Variants in CADPS2 observed in about 807,000 individuals in gnomAD.
CADPS2 encodes calcium-dependent secretion activator 2.
CADPS2 carries 93 observed loss-of-function variants against 172.5 expected under a neutral mutation model. The observed-to-expected ratio is 0.54, with a 90% CI of 0.46 to 0.64. CADPS2 has a LOEUF of 0.64. CADPS2 is among the 30% of genes least tolerant of loss of function. The pLI is 0.00. For missense variants in CADPS2, 1,420 were observed against 1,565.9 expected (o/e 0.91, Z 1.57); for synonymous variants, 546 against 555.2 (o/e 0.98, Z 0.23).
chr7:122,672,448 T>C (rs1453769493), intron 2 of CADPS2, among the ~76,000 whole-genome samples: 1 of 152,198 alleles, frequency 6.6e-6, no homozygotes, highest in Admixed American at 6.5e-5. Flanking sequence ...AAGTAGCAGA[T>C]ATCCTGTCTC....
At chr7:122,343,111 C>T (rs556006216) in intron 28 of CADPS2, among the ~76,000 whole-genome samples, 11 of 152,190 alleles carry the variant, frequency 7.2e-5, no homozygotes, top group African/African-American at 2.2e-4. Context: ...TGATTAGGGG[C>T]TTTTAGTATC....
rs117841543 is a variant in CADPS2, at chr7:122,615,023, A to C, written c.1223+158T>G. Among the ~76,000 whole-genome samples, 456 of 152,328 alleles carry C rather than the reference A, an allele frequency of 3.0e-3. 2 individuals are homozygous for C. The highest frequency in any genetic ancestry group is 5.3e-3 in the Non-Finnish European group (360 of 68,030). On this transcript the variant is annotated intron_variant, in intron 6 of 29. Coordinates refer to ENST00000449022, the MANE Select transcript of CADPS2 (RefSeq NM_017954.11). ...TCCAATTATAACATCATTATCTAGA[A>C]AGGGACACACTAGTTCTAACACATT...
chr7:122,539,535 C>T (rs1230523771), intron 8 of CADPS2, among the ~76,000 whole-genome samples: 2 of 151,966 alleles, frequency 1.3e-5, no homozygotes, highest in Non-Finnish European at 2.9e-5. Context: ...AAAAGAGGGG[C>T]TGGTGATGGT....
chr7:122,681,795 A>T, intron 2 of CADPS2: 1 of 494,284 alleles, frequency 2.0e-6, no homozygotes, highest in Non-Finnish European at 3.4e-6. Context: ...AAAAATAAAA[A>T]TAAAACCCTT....
At chr7:122,562,378 T>A (rs970401105) in intron 7 of CADPS2, among the ~76,000 whole-genome samples, 2 of 152,110 alleles carry the variant, frequency 1.3e-5, no homozygotes, top group African/African-American at 2.4e-5. Context: ...ACTAGCTTCA[T>A]AATTGAAGAG....
At chr7:122,350,156 A>C (rs2038324774) in intron 27 of CADPS2, among the ~76,000 whole-genome samples, 1 of 152,196 alleles carries the variant, frequency 6.6e-6, no homozygotes, top group Non-Finnish European at 1.5e-5. Context: ...TTTGTAAATG[A>C]AATACCTGTG....
Position 122,516,047 on chromosome 7 carries a change from G to A in CADPS2, c.1476-2732C>T, listed in dbSNP as rs148279015. ...GTTTCTTTGAAGACAGAAAGCAGGG[G>A]GACAGATGGATACATACATGTTGTA... On this transcript the variant is annotated intron_variant, in intron 8 of 29. Transcript: ENST00000449022. 5.7e-3 allele frequency among the ~76,000 whole-genome samples: 874 copies of A among 152,136 alleles called. 6 individuals carry two copies. Among genetic ancestry groups the A allele is most frequent in the Non-Finnish European group, 9.5e-3 (643 of 67,986 alleles).
intron 7 of CADPS2, among the ~76,000 whole-genome samples, chr7:122,556,315 T>G (rs998669937): frequency 1.3e-5 from 2 of 152,162 alleles, no homozygotes; most frequent in Admixed American, 1.3e-4. Flanking sequence ...AAGACTAAGA[T>G]AGATCTCTAT....
At chr7:122,807,551 T>G (rs1319664296) in intron 1 of CADPS2, among the ~76,000 whole-genome samples, 2 of 152,210 alleles carry the variant, frequency 1.3e-5, no homozygotes, top group Non-Finnish European at 2.9e-5. Flanking sequence ...CTTCCAAGTT[T>G]GTTCCTTTTG....
intron 2 of CADPS2, among the ~76,000 whole-genome samples, chr7:122,721,314 G>C (rs1486779104): frequency 6.6e-6 from 1 of 151,986 alleles, no homozygotes; most frequent in Non-Finnish European, 1.5e-5. Context: ...AAGAAGAAAA[G>C]AGAGAAGAAT....
At chr7:122,688,248 G>A (rs1478642472) in intron 2 of CADPS2, among the ~76,000 whole-genome samples, 1 of 152,134 alleles carries the variant, frequency 6.6e-6, no homozygotes, top group Non-Finnish European at 1.5e-5. Context: ...GTGTTACCCT[G>A]GTCATGGAAA....
chr7:122,526,350 C>A (rs1419849786), intron 8 of CADPS2, among the ~76,000 whole-genome samples: 1 of 152,000 alleles, frequency 6.6e-6, no homozygotes, highest in Non-Finnish European at 1.5e-5. Flanking sequence ...CACCACCATG[C>A]CCAGCTAATT....
intron 1 of CADPS2, among the ~76,000 whole-genome samples, chr7:122,833,068 C>A (rs1807093007): frequency 1.3e-5 from 2 of 152,194 alleles, no homozygotes; most frequent in South Asian, 2.1e-4. Flanking sequence ...GATTCACTAT[C>A]CATGCACAAC....
chr7:122,758,180 T>C (rs2093242458), intron 1 of CADPS2, among the ~76,000 whole-genome samples: 1 of 152,206 alleles, frequency 6.6e-6, no homozygotes, highest in Non-Finnish European at 1.5e-5. Context: ...CCCATGCCCA[T>C]GAAATTATAA....
Position 122,663,717 on chromosome 7 carries a change from T to C in CADPS2, c.454-148A>G, listed in dbSNP as rs933374484. ...ATGATTCAAAATGTTTTATAATACATGGTAACTAATGTCATAATGTTGGCC... is the reference window on the plus strand; with the variant it reads ...ATGATTCAAAATGTTTTATAATACACGGTAACTAATGTCATAATGTTGGCC... On this transcript the variant is annotated intron_variant, in intron 2 of 29. Transcript: ENST00000449022. 38 of 662,648 alleles carry C rather than the reference T, an allele frequency of 5.7e-5. No homozygotes were observed. The East Asian group carries it at 9.5e-4, about 17-fold the overall frequency. 41.0% of individuals were successfully genotyped at this position (662,648 alleles called of 1,614,324 possible).
intron 27 of CADPS2, among the ~76,000 whole-genome samples, chr7:122,359,915 A>G (rs1450064783): frequency 6.6e-6 from 1 of 152,198 alleles, no homozygotes; most frequent in Admixed American, 6.5e-5. Flanking sequence ...CATCCTAAAA[A>G]TAAGAGCTAT....
chr7:122,425,732 T>A lies in CADPS2; in HGVS notation c.2477-9568A>T, dbSNP rs1217446869. The stretch of plus-strand genomic sequence containing the variant: ...TGTTGTTCTTTATATATACATTGTA[T>A]CCATTTTTTTCTAAATATTATTCAA... On this transcript the variant is annotated intron_variant, in intron 17 of 29. Coordinates refer to ENST00000449022, the MANE Select transcript of CADPS2 (RefSeq NM_017954.11). 3.9e-5 allele frequency among the ~76,000 whole-genome samples: 6 copies of A among 152,216 alleles called. No individual in the cohort carries two copies. In the South Asian group the frequency reaches 1.0e-3, roughly 26 times the overall value.
intron 25 of CADPS2, among the ~76,000 whole-genome samples, chr7:122,377,553 A>G (rs1306949281): frequency 6.6e-6 from 1 of 152,154 alleles, no homozygotes; most frequent in Non-Finnish European, 1.5e-5. Flanking sequence ...CGGGTTGGTT[A>G]TATCTGGATA....
intron 9 of CADPS2, among the ~76,000 whole-genome samples, chr7:122,501,479 C>T (rs1430249526): frequency 6.6e-6 from 1 of 152,020 alleles, no homozygotes; most frequent in African/African-American, 2.4e-5. Context: ...GAGACAAGGT[C>T]TGGGCCTTTG....
Sources: allele counts gnomAD v4.1 joint callset (sites outside exome capture counted in the v4.1 genomes callset), GRCh38; gene constraint gnomAD v4.1.1; transcripts MANE v1.5; gene names NCBI Gene and HGNC (gene_info 2026-07-23, HGNC 2026-07-21).